Variants in KMT2C observed in about 807,000 individuals in gnomAD.
The protein encoded by KMT2C is lysine methyltransferase 2C.
In KMT2C, 88 loss-of-function variants were observed where a neutral mutation model predicts 507.9. The ratio of observed to expected loss-of-function variants is 0.17; its 90% CI spans 0.15 to 0.21. KMT2C has a LOEUF of 0.21. Among genes scored for constraint, KMT2C ranks in the 10% least tolerant of loss-of-function variants. The pLI, the probability that KMT2C is intolerant of heterozygous loss-of-function variation, is 1.00. For synonymous variants in KMT2C, 2,049 were observed against 2,080.8 expected (o/e 0.98, Z 0.42); for missense variants, 4,954 against 5,957.8 (o/e 0.83, Z 5.55).
chr7:152,176,330 A>C lies in KMT2C; in HGVS notation c.9123T>G (p.Asn3041Lys), dbSNP rs2129112843. Residue 3041 changes from asparagine to lysine, a missense_variant, in exon 38 of 59, where the codon AAT becomes AAG. Around this residue, in one of 29 missense-constraint regions of KMT2C, gnomAD observed 1,689 missense variants for 1,654.3 expected, o/e 1.02. Coordinates refer to ENST00000262189, the MANE Select transcript of KMT2C (RefSeq NM_170606.3). The part of the protein sequence containing the change: ...LMIPQTLAQQ[N>K]RERPLLLEEQ... ...CTTCTAGAAGAAGGGGCCTCTCTCT[A>C]TTCTGCTGTGCTAATGTTTGAGGAA... 6.2e-7 allele frequency: 1 copy of C among 1,614,064 alleles called. No individual in the cohort carries two copies. The highest frequency in any genetic ancestry group is 8.5e-7 in the Non-Finnish European group (1 of 1,180,014).
chr7:152,180,701 A>G lies in KMT2C; in HGVS notation c.7149+10T>C, dbSNP rs1563278505. The G allele has an allele frequency of 1.3e-6, 2 of 1,579,646 alleles. No homozygotes were observed. The highest frequency in any genetic ancestry group is 2.2e-5 in the East Asian group (1 of 44,658). On this transcript the variant is annotated intron_variant, in intron 36 of 58. Coordinates refer to ENST00000262189, the MANE Select transcript of KMT2C (RefSeq NM_170606.3). ...ATACATTTAAAACTGAGAACATACA[A>G]TGTGTTTACCTGTCTCAATTTCTCT...
At chr7:152,154,579 A>C in intron 46 of KMT2C, 134 bp from the exon 47 acceptor site, 2 of 656,622 alleles carry the variant, frequency 3.0e-6, no homozygotes, top group Non-Finnish European at 5.2e-6. Flanking sequence ...GCAGCAAATG[A>C]ATCAGCTCAG....
At chr7:152,319,517 G>A (rs572734951) in intron 3 of KMT2C, among the ~76,000 whole-genome samples, 41 of 152,094 alleles carry the variant, frequency 2.7e-4, no homozygotes, top group African/African-American at 6.7e-4. Context: ...TAGCGGTAGC[G>A]TCAGTGTCAA....
intron 6 of KMT2C, among the ~76,000 whole-genome samples, chr7:152,277,397 A>T (rs2096102552): frequency 1.3e-5 from 2 of 152,210 alleles, no homozygotes; most frequent in Admixed American, 1.3e-4. Flanking sequence ...TGAGTACCAG[A>T]ATGGGAGAAA....
chr7:152,271,695 A>AAC (rs1262206531), intron 7 of KMT2C, among the ~76,000 whole-genome samples: 176 of 147,894 alleles, frequency 1.2e-3, no homozygotes, highest in African/African-American at 4.1e-3. Flanking sequence ...AAAAAAAAAA[A>AAC]CCCCAAAGAA....
chr7:152,261,631 G>C (rs2095780186), intron 9 of KMT2C, among the ~76,000 whole-genome samples: 1 of 152,016 alleles, frequency 6.6e-6, no homozygotes, highest in Non-Finnish European at 1.5e-5. Context: ...CATACATAAA[G>C]TTACAAATAC....
intron 37 of KMT2C, among the ~76,000 whole-genome samples, chr7:152,179,306 T>C (rs1291400061): frequency 6.6e-6 from 1 of 152,142 alleles, no homozygotes; most frequent in Non-Finnish European, 1.5e-5. Flanking sequence ...TAAAATTAAT[T>C]TAGAATGTAA....
chr7:152,162,307 T>C lies in KMT2C; in HGVS notation c.11270A>G (p.Gln3757Arg), dbSNP rs751910832. ...NAVACPVSSA[Q>R]SPPHSAGAPA... ...GGCCCCAGCAGAATGGGGAGGACTC[T>C]GTGCTGAGGAGACAGGACAGGCTAC... Residue 3757 changes from glutamine to arginine, a missense_variant, in exon 43 of 59, where the codon CAG (glutamine) becomes CGG (arginine). Physicochemically the swap from Gln to Arg is conservative, Grantham distance 43 (BLOSUM62 1). Around this residue, in one of 29 missense-constraint regions of KMT2C, gnomAD observed 801 missense variants for 751.2 expected, o/e 1.07. Transcript: ENST00000262189. The C allele has an allele frequency of 1.2e-6, 2 of 1,614,232 alleles. No individual in the cohort carries two copies. Among genetic ancestry groups the C allele is most frequent in the South Asian group, 1.1e-5 (1 of 91,086 alleles).
intron 6 of KMT2C, among the ~76,000 whole-genome samples, chr7:152,281,059 A>G (rs1019440532): frequency 1.4e-4 from 22 of 152,306 alleles, no homozygotes; most frequent in African/African-American, 5.3e-4. Context: ...GTAACAACAT[A>G]CATAAATTAT....
At chr7:152,189,038 C>T (rs566057375) in intron 31 of KMT2C, among the ~76,000 whole-genome samples, 2 of 152,284 alleles carry the variant, frequency 1.3e-5, no homozygotes, top group South Asian at 2.1e-4. Flanking sequence ...TTATAACTTA[C>T]AGTTCAGCCC....
chr7:152,328,588 A>G (rs2096852196), intron 3 of KMT2C, among the ~76,000 whole-genome samples: 1 of 152,192 alleles, frequency 6.6e-6, no homozygotes, highest in South Asian at 2.1e-4. Context: ...TAGTCATGAA[A>G]GAGAGTGGAG....
At chr7:152,210,338 T>C (rs1435392266) in intron 23 of KMT2C, among the ~76,000 whole-genome samples, 4 of 152,198 alleles carry the variant, frequency 2.6e-5, no homozygotes, top group African/African-American at 4.8e-5. Flanking sequence ...TCTAATCAAC[T>C]ACTTAATTCC....
At chr7:152,211,609 G>C (rs2094456057) in intron 23 of KMT2C, among the ~76,000 whole-genome samples, 1 of 152,198 alleles carries the variant, frequency 6.6e-6, no homozygotes, top group Non-Finnish European at 1.5e-5. Context: ...GGTTCATAGT[G>C]ACACCAGTAA....
chr7:152,172,290 T>C (rs2092997226), intron 39 of KMT2C, among the ~76,000 whole-genome samples: 1 of 152,202 alleles, frequency 6.6e-6, no homozygotes, highest in Non-Finnish European at 1.5e-5. Flanking sequence ...AAGCAGTCAG[T>C]AGAATACTAA....
intron 28 of KMT2C, 96 bp downstream of exon 28, chr7:152,195,811 C>A: frequency 1.6e-6 from 1 of 644,780 alleles, no homozygotes; most frequent in Non-Finnish European, 2.4e-6. Context: ...AACACAGTTA[C>A]TGGGAAACAG....
rs192990155 is a variant in KMT2C at position 152,194,870 on chromosome 7, T to C, written c.4379-302A>G. 2.2e-3 allele frequency among the ~76,000 whole-genome samples: 326 copies of C among 150,234 alleles called. 3 individuals carry two copies. The highest frequency in any genetic ancestry group is 0.011 in the Middle Eastern group (3 of 284). On this transcript the variant is annotated intron_variant, in intron 28 of 58. Coordinates refer to ENST00000262189, the MANE Select transcript of KMT2C (RefSeq NM_170606.3). ...GCCAAAAAAAAAAAAAAGCTTAAGA[T>C]AGGAGTTTATGAGAAATCGATATGC...
chr7:152,372,882 T>G (rs2097302687), intron 1 of KMT2C, among the ~76,000 whole-genome samples: 1 of 152,182 alleles, frequency 6.6e-6, no homozygotes, highest in Non-Finnish European at 1.5e-5. Context: ...ATACAGAACA[T>G]TCTAGCCAAC....
rs2096614818 is a variant in KMT2C, at chr7:152,306,234, C to CA, written c.849+3731dup. Among the ~76,000 whole-genome samples, 5 of 152,272 alleles carry CA rather than the reference C, an allele frequency of 3.3e-5. No individual in the cohort carries two copies. The South Asian group carries it at 1.0e-3, about 32-fold the overall frequency. Reference sequence around the variant, plus strand: ...TACTATTCCTTTTTGGGTTCTCCTGCATCTGGGTAGGTGGTAATTGCTTAT... The same window carrying CA: ...TACTATTCCTTTTTGGGTTCTCCTGCAATCTGGGTAGGTGGTAATTGCTTAT... On this transcript the variant is annotated intron_variant, in intron 6 of 58. Transcript: ENST00000262189.
Position 152,155,443 on chromosome 7 carries a change from T to C in KMT2C, c.11960+467A>G, listed in dbSNP as rs551665899. 1.5e-3 allele frequency among the ~76,000 whole-genome samples: 236 copies of C among 152,306 alleles called. 1 individual carries two copies. The highest frequency in any genetic ancestry group is 3.4e-3 in the Middle Eastern group (1 of 294). Reference sequence around the variant, plus strand: ...AATTAGAATCTTACAGTTAAAGAACTGACACAAAGACATCAAACCCCAGAC... The same window carrying C: ...AATTAGAATCTTACAGTTAAAGAACCGACACAAAGACATCAAACCCCAGAC... On this transcript the variant is annotated intron_variant, in intron 46 of 58. Transcript: ENST00000262189.
Sources: allele counts gnomAD v4.1 joint callset (sites outside exome capture counted in the v4.1 genomes callset), GRCh38; gene constraint gnomAD v4.1.1; regional missense constraint gnomAD v4.1.1; transcripts MANE v1.5; gene names NCBI Gene and HGNC (gene_info 2026-07-23, HGNC 2026-07-21).